Variants in IMPG2 observed in about 807,000 individuals in gnomAD.
The protein encoded by IMPG2 is interphotoreceptor matrix proteoglycan 2, also known as IPM 200.
In IMPG2, 91 loss-of-function variants were observed where a neutral mutation model predicts 129.2. The ratio of observed to expected loss-of-function variants is 0.70; its 90% CI spans 0.59 to 0.84. IMPG2 has a LOEUF of 0.84. IMPG2 is among the 40% of genes least tolerant of loss of function. The probability of loss-of-function intolerance (pLI) is 0.00; values close to 1 mark genes in which losing one functional copy is unlikely to be tolerated. For synonymous variants in IMPG2, 510 were observed against 517.7 expected (o/e 0.99, Z 0.20); for missense variants, 1,430 against 1,461.7 (o/e 0.98, Z 0.35).
chr3:101,256,343 C>T (rs981833977), intron 10 of IMPG2, among the ~76,000 whole-genome samples: 1 of 151,880 alleles, frequency 6.6e-6, no homozygotes, highest in Non-Finnish European at 1.5e-5. Context: ...CACAAATGCA[C>T]ACACACATGC....
rs575001077 is a variant in IMPG2 at position 101,297,362 on chromosome 3, A to AT, written c.502-5853dup. Among the ~76,000 whole-genome samples, 334 of 147,330 alleles carry AT rather than the reference A, an allele frequency of 2.3e-3. 1 individual carries two copies. The highest frequency in any genetic ancestry group is 9.1e-3 in the East Asian group (46 of 5,036). ...AGAAAACCAGCTCCTGGATTAATTG[A>AT]TTTTTTTTTTTGGAGGATTTTTTGT... is the stretch of plus-strand genomic sequence containing the variant. On this transcript the variant is annotated intron_variant, in intron 3 of 18. Coordinates refer to ENST00000193391, the MANE Select transcript of IMPG2 (RefSeq NM_016247.4).
intron 14 of IMPG2, among the ~76,000 whole-genome samples, chr3:101,234,475 A>G (rs1706324908): frequency 6.6e-6 from 1 of 152,110 alleles, no homozygotes; most frequent in Admixed American, 6.6e-5. Context: ...TAAGGCACCT[A>G]GTTTGTGGTA....
intron 2 of IMPG2, among the ~76,000 whole-genome samples, chr3:101,306,545 A>T (rs1707191108): frequency 6.6e-6 from 1 of 152,242 alleles, no homozygotes; most frequent in Non-Finnish European, 1.5e-5. Context: ...TCGAAATGAA[A>T]ATTAAAGTAA....
intron 14 of IMPG2, among the ~76,000 whole-genome samples, chr3:101,235,948 C>A (rs1332835162): frequency 6.6e-6 from 1 of 152,168 alleles, no homozygotes; most frequent in Non-Finnish European, 1.5e-5. Context: ...GTAAGAGATG[C>A]CCTTGAGAGG....
At position 101,232,896 on chromosome 3, in the gene IMPG2, G is replaced by A. The variant is rs773291100; in HGVS notation, c.3118C>T (p.Pro1040Ser). The A allele has an allele frequency of 1.1e-5, 17 of 1,613,768 alleles. No individual in the cohort carries two copies. In the South Asian group the frequency reaches 1.4e-4, roughly 14 times the overall value. Residue 1040 changes from proline (P) to serine (S), a missense_variant, in exon 15 of 19, where the codon CCT (proline) becomes TCT (serine). Transcript: ENST00000193391. ...CGTTCTTCCACACTCAGGTATCCAG[G>A]GAAGCATCTGCACTTTGCTTCTCCA... is the stretch of plus-strand genomic sequence containing the variant. ...WSGEAKCRCF[P>S]GYLSVEERPC...
chr3:101,227,116 A>C, intron 18 of IMPG2, 135 bp from the exon 19 acceptor site: 1 of 1,049,552 alleles, frequency 9.5e-7, no homozygotes, highest in Admixed American at 2.1e-5. Context: ...TTTGAAGGAA[A>C]GTTGTTCTGT....
intron 8 of IMPG2, among the ~76,000 whole-genome samples, chr3:101,268,987 A>G (rs1202351497): frequency 6.6e-6 from 1 of 152,232 alleles, no homozygotes; most frequent in Non-Finnish European, 1.5e-5. Flanking sequence ...CCCAACACAA[A>G]GTATTCACTC....
At chr3:101,299,638 C>A (rs530401427) in intron 3 of IMPG2, among the ~76,000 whole-genome samples, 1 of 152,076 alleles carries the variant, frequency 6.6e-6, no homozygotes. Flanking sequence ...GTTTTTCTTG[C>A]AATGGTCAGG....
chr3:101,262,582 A>G (rs348880), intron 9 of IMPG2, among the ~76,000 whole-genome samples: 99,169 of 151,634 alleles, frequency 0.65, 32,586 homozygotes, highest in Admixed American at 0.7. Flanking sequence ...ACTCATCCCC[A>G]CACTACAAGA....
At chr3:101,265,858 A>G (rs1266276377) in intron 9 of IMPG2, among the ~76,000 whole-genome samples, 1 of 152,176 alleles carries the variant, frequency 6.6e-6, no homozygotes, top group African/African-American at 2.4e-5. Flanking sequence ...CCACAGCAAA[A>G]TAACAAACAA....
At position 101,247,936 on chromosome 3, in the gene IMPG2, A is replaced by G. The variant is rs369713757; in HGVS notation, c.1240-1831T>C. Among the ~76,000 whole-genome samples, 10 of 152,232 alleles carry G rather than the reference A, an allele frequency of 6.6e-5. No homozygotes were observed. The East Asian group carries it at 1.9e-3, about 29-fold the overall frequency. ...GAAAACCGCAAATAAGAAATGCTGA[A>G]TCGAACCTCCTCCCCCTCCTCCAGG... On this transcript the variant is annotated intron_variant, in intron 11 of 18. Coordinates refer to ENST00000193391, the MANE Select transcript of IMPG2 (RefSeq NM_016247.4).
chr3:101,263,339 C>T (rs968084021), intron 9 of IMPG2, among the ~76,000 whole-genome samples: 2 of 151,676 alleles, frequency 1.3e-5, no homozygotes, highest in Non-Finnish European at 2.9e-5. Flanking sequence ...ATTTTTTTAT[C>T]AAAATTATAT....
chr3:101,248,993 G>A (rs1706515095), intron 11 of IMPG2, among the ~76,000 whole-genome samples: 2 of 152,170 alleles, frequency 1.3e-5, no homozygotes, highest in Admixed American at 1.3e-4. Flanking sequence ...CAAGAGGAAG[G>A]AGAGGTCAGG....
chr3:101,269,562 T>G lies in IMPG2; in HGVS notation c.840A>C (p.Ala280=). ...EEEFISEVEN[A]FTGLPGYKEI... Reference sequence around the variant, plus strand: ...CCTTGTAGCCTGGTAACCCAGTAAATGCATTTTCAACCTGTTAAAAGTACA... The same window carrying G: ...CCTTGTAGCCTGGTAACCCAGTAAAGGCATTTTCAACCTGTTAAAAGTACA... Residue 280 remains alanine, a synonymous_variant, in exon 8 of 19, where the codon GCA becomes GCC. Coordinates refer to ENST00000193391, the MANE Select transcript of IMPG2 (RefSeq NM_016247.4). 1 of 1,588,278 alleles carries G rather than the reference T, an allele frequency of 6.3e-7. No homozygotes were observed. The highest frequency in any genetic ancestry group is 1.3e-5 in the African/African-American group (1 of 74,458).
chr3:101,299,020 C>A (rs1707112523), intron 3 of IMPG2, among the ~76,000 whole-genome samples: 2 of 152,146 alleles, frequency 1.3e-5, no homozygotes, highest in African/African-American at 4.8e-5. Flanking sequence ...TTCTCCTTGT[C>A]TTTTTCAGGT....
chr3:101,236,502 G>A (rs1706347364), intron 14 of IMPG2, among the ~76,000 whole-genome samples: 1 of 152,134 alleles, frequency 6.6e-6, no homozygotes. Flanking sequence ...TGAGGTACCT[G>A]GCTCATCTCA....
chr3:101,265,816 A>C (rs975240409), intron 9 of IMPG2, among the ~76,000 whole-genome samples: 3 of 152,226 alleles, frequency 2.0e-5, no homozygotes, highest in Admixed American at 6.5e-5. Context: ...CATGGGATCA[A>C]TATCCAGAAT....
At chr3:101,258,951 G>C (rs572714181) in intron 9 of IMPG2, among the ~76,000 whole-genome samples, 1 of 152,044 alleles carries the variant, frequency 6.6e-6, no homozygotes, top group Non-Finnish European at 1.5e-5. Context: ...AGATATTTTA[G>C]CTTCAGAATA....
intron 4 of IMPG2, among the ~76,000 whole-genome samples, chr3:101,277,493 A>G (rs924371775): frequency 2.0e-5 from 3 of 152,250 alleles, no homozygotes; most frequent in African/African-American, 7.2e-5. Context: ...AGATGAGACA[A>G]GTAGTACAGA....
Sources: allele counts gnomAD v4.1 joint callset (sites outside exome capture counted in the v4.1 genomes callset), GRCh38; gene constraint gnomAD v4.1.1; transcripts MANE v1.5; gene names NCBI Gene and HGNC (gene_info 2026-07-23, HGNC 2026-07-21).